The following BMP10 variants were observed in gnomAD, a reference collection of about 807,000 sequenced individuals.
The protein encoded by BMP10 is bone morphogenetic protein 10.
A neutral mutation model predicts 29.9 loss-of-function variants in BMP10; 9 were observed. The observed-to-expected ratio is 0.30, with a 90% confidence interval of 0.18 to 0.53. The LOEUF (loss-of-function observed/expected upper bound fraction) is 0.53. BMP10 is among the 20% of genes least tolerant of loss of function. The pLI, the probability that BMP10 is intolerant of heterozygous loss-of-function variation, is 0.96. For missense variants in BMP10, 474 were observed against 524.3 expected (o/e 0.90, Z 0.94); for synonymous variants, 202 against 200.2 (o/e 1.01, Z -0.07).
rs1682878746 is a variant in BMP10 at position 68,862,583 on chromosome 2, G to T, written c.*3048C>A. Among the ~76,000 whole-genome samples, 1 of 152,146 alleles carries T rather than the reference G, an allele frequency of 6.6e-6. No homozygotes were observed. Among genetic ancestry groups the T allele is most frequent in the Non-Finnish European group, 1.5e-5 (1 of 68,014 alleles). ...GTTTAGCTATATCAACTTCGGTGAT[G>T]ATAATTCTGCAATAAAAGGGGGAAA... is the stretch of plus-strand genomic sequence containing the variant. On this transcript the variant is annotated 3_prime_UTR_variant, in exon 2 of 2. Transcript: ENST00000295379.
chr2:68,863,125 A>G lies in BMP10; in HGVS notation c.*2506T>C, dbSNP rs868746382. 6.6e-6 allele frequency among the ~76,000 whole-genome samples: 1 copy of G among 152,194 alleles called. No individual in the cohort carries two copies. Among genetic ancestry groups the G allele is most frequent in the Non-Finnish European group, 1.5e-5 (1 of 68,016 alleles). Reference sequence around the variant, plus strand: ...GGTGTGCTAATGTCAGTGGGATACTAAATGTCAGCGGTGTGCCAGCACCAG... The same window carrying G: ...GGTGTGCTAATGTCAGTGGGATACTGAATGTCAGCGGTGTGCCAGCACCAG... On this transcript the variant is annotated 3_prime_UTR_variant, in exon 2 of 2. Coordinates refer to ENST00000295379, the MANE Select transcript of BMP10 (RefSeq NM_014482.3).
rs1292526572 is a variant in BMP10, at chr2:68,865,372, G to C, written c.*259C>G. 4.1e-6 allele frequency: 2 copies of C among 491,136 alleles called. No homozygotes were observed. Among genetic ancestry groups the C allele is most frequent in the African/African-American group, 1.9e-5 (1 of 52,296 alleles). 30.4% of individuals were successfully genotyped at this position (491,136 alleles called of 1,614,324 possible). A position where few individuals can be genotyped will look rare whatever the true frequency, so the allele number is the denominator to read the frequency against. The stretch of plus-strand genomic sequence containing the variant: ...ATACATACACAAGTGTGTGTCTTTT[G>C]ACACTGTATTTTGCCTAGGGGTTGT... On this transcript the variant is annotated 3_prime_UTR_variant, in exon 2 of 2. Coordinates refer to ENST00000295379, the MANE Select transcript of BMP10 (RefSeq NM_014482.3). This position sits in a 1 kb window ranked among gnomAD's most constrained non-coding sequence, Gnocchi z 4.7.
At position 68,865,812 on chromosome 2, in the gene BMP10, G is replaced by A; in HGVS notation, c.1094C>T (p.Thr365Ile). Residue 365 changes from threonine to isoleucine, a missense_variant, in exon 2 of 2, where the codon ACA becomes ATA. By Grantham distance (89) the Thr-to-Ile change is moderately conservative. Transcript: ENST00000295379. This position sits in a 1 kb window ranked among gnomAD's most constrained non-coding sequence, Gnocchi z 4.7. ...VCNYPLAEHL[T>I]PTKHAIIQAL... Reference sequence around the variant, plus strand: ...CTGGATAATTGCATGCTTTGTGGGTGTGAGATGCTCTGCCAGGGGGTAGTT... The same window carrying A: ...CTGGATAATTGCATGCTTTGTGGGTATGAGATGCTCTGCCAGGGGGTAGTT... The A allele has an allele frequency of 1.2e-6, 2 of 1,614,110 alleles. No homozygotes were observed. The highest frequency in any genetic ancestry group is 2.2e-5 in the East Asian group (1 of 44,868).
Position 68,863,762 on chromosome 2 carries a change from T to C in BMP10, c.*1869A>G, listed in dbSNP as rs1310237788. Among the ~76,000 whole-genome samples the C allele has an allele frequency of 1.3e-5, 2 of 152,176 alleles. No individual in the cohort carries two copies. Among genetic ancestry groups the C allele is most frequent in the African/African-American group, 4.8e-5 (2 of 41,442 alleles). Reference sequence around the variant, plus strand: ...TTCAAAATAGTTTTCCTTGCCTCTATTGTCTAGTGCAGTTTGAGTTTATAA... The same window carrying C: ...TTCAAAATAGTTTTCCTTGCCTCTACTGTCTAGTGCAGTTTGAGTTTATAA... On this transcript the variant is annotated 3_prime_UTR_variant, in exon 2 of 2. Transcript: ENST00000295379.
At chr2:68,867,494 C>T (rs1682986431) in intron 1 of BMP10, among the ~76,000 whole-genome samples, 1 of 152,204 alleles carries the variant, frequency 6.6e-6, no homozygotes, top group South Asian at 2.1e-4. Context: ...GTATAACTCA[C>T]TCAATAATGT....
chr2:68,864,877 G>A lies in BMP10; in HGVS notation c.*754C>T, dbSNP rs1443337030. On this transcript the variant is annotated 3_prime_UTR_variant, in exon 2 of 2. Coordinates refer to ENST00000295379, the MANE Select transcript of BMP10 (RefSeq NM_014482.3). The stretch of plus-strand genomic sequence containing the variant: ...CCCTCTACTCTCTGCAGCAGCAATG[G>A]CCAGTACTCATGGCCTTGCTTTCCT... 6.6e-6 allele frequency among the ~76,000 whole-genome samples: 1 copy of A among 152,026 alleles called. No individual in the cohort carries two copies. Among genetic ancestry groups the A allele is most frequent in the Admixed American group, 6.6e-5 (1 of 15,258 alleles).
At position 68,860,938 on chromosome 2, in the gene BMP10, T is replaced by C. The variant is rs1286789764; in HGVS notation, c.*4693A>G. Among the ~76,000 whole-genome samples, 5 of 152,148 alleles carry C rather than the reference T, an allele frequency of 3.3e-5. No individual in the cohort carries two copies. The highest frequency in any genetic ancestry group is 6.5e-5 in the Admixed American group (1 of 15,274). ...TTCTTCAGACCATTCTTTATTAATATAGCAATTAGTTTTATTCCATCGGGA... is the reference window on the plus strand; with the variant it reads ...TTCTTCAGACCATTCTTTATTAATACAGCAATTAGTTTTATTCCATCGGGA... On this transcript the variant is annotated 3_prime_UTR_variant, in exon 2 of 2. Transcript: ENST00000295379.
At position 68,865,969 on chromosome 2, in the gene BMP10, G is replaced by T; in HGVS notation, c.937C>A (p.Arg313=). 6.2e-7 allele frequency: 1 copy of T among 1,613,968 alleles called. No homozygotes were observed. Among genetic ancestry groups the T allele is most frequent in the African/African-American group, 1.3e-5 (1 of 74,990 alleles). ...RSNIIYDSTA[R]IRRNAKGNYC... ...TTTCCTTTGGCGTTCCTTCTGATTC[G>T]GGCAGTGGAGTCATAGATGATGTTT... The change falls in exon 2 of 2, where the codon CGA becomes AGA. Residue 313 remains arginine, a synonymous_variant. Coordinates refer to ENST00000295379, the MANE Select transcript of BMP10 (RefSeq NM_014482.3). The surrounding 1 kb of genome is among the most constrained non-coding windows in gnomAD (Gnocchi z 4.7).
At chr2:68,867,123 T>G (rs1431208880) in intron 1 of BMP10, among the ~76,000 whole-genome samples, 1 of 152,238 alleles carries the variant, frequency 6.6e-6, no homozygotes, top group African/African-American at 2.4e-5. Context: ...AATATGGGCC[T>G]GCTACCTGCT....
At chr2:68,870,639 T>A (rs1370184251) in intron 1 of BMP10, among the ~76,000 whole-genome samples, 3 of 152,336 alleles carry the variant, frequency 2.0e-5, no homozygotes, top group East Asian at 3.9e-4. Flanking sequence ...TAAGTAGAAG[T>A]TGAGAAATTT....
At position 68,871,338 on chromosome 2, in the gene BMP10, T is replaced by C; in HGVS notation, c.21A>G (p.Thr7=). MGSLVL[T]LCALFCLAAY... ...CTGCCAGGCAGAAAAGAGCGCACAGTGTCAGGACCAGAGAGCCCATGACTC... is the reference window on the plus strand; with the variant it reads ...CTGCCAGGCAGAAAAGAGCGCACAGCGTCAGGACCAGAGAGCCCATGACTC... Residue 7 remains threonine (T), a synonymous_variant, in exon 1 of 2, where the codon ACA becomes ACG. Coordinates refer to ENST00000295379, the MANE Select transcript of BMP10 (RefSeq NM_014482.3). 2.5e-6 allele frequency: 4 copies of C among 1,613,952 alleles called. No individual in the cohort carries two copies. In the South Asian group the frequency reaches 3.3e-5, roughly 13 times the overall value.
In BMP10 at chr2:68,862,764, ACTC is replaced by A. The variant is rs1244913049; in HGVS notation, c.*2864_*2866del. 6.6e-6 allele frequency among the ~76,000 whole-genome samples: 1 copy of A among 151,398 alleles called. No individual in the cohort carries two copies. The highest frequency in any genetic ancestry group is 2.4e-5 in the African/African-American group (1 of 41,134). On this transcript the variant is annotated 3_prime_UTR_variant, in exon 2 of 2. Coordinates refer to ENST00000295379, the MANE Select transcript of BMP10 (RefSeq NM_014482.3). ...CGGGGTTCCGGTGGGAGCTGGGAGA[ACTC>A]CTCTACGGGCTGTGTCTTTTCACTT... is the stretch of plus-strand genomic sequence containing the variant.
rs1326086607 is a variant in BMP10, at chr2:68,864,204, C to T, written c.*1427G>A. Among the ~76,000 whole-genome samples the T allele has an allele frequency of 6.6e-6, 1 of 152,178 alleles. No homozygotes were observed. Among genetic ancestry groups the T allele is most frequent in the Non-Finnish European group, 1.5e-5 (1 of 68,036 alleles). ...AAGTTACTGGGTTTCTACCATGAAA[C>T]AATCATGATTTCAAAATTCAGGCTT... On this transcript the variant is annotated 3_prime_UTR_variant, in exon 2 of 2. Coordinates refer to ENST00000295379, the MANE Select transcript of BMP10 (RefSeq NM_014482.3).
rs1360265306 is a variant in BMP10 at position 68,861,078 on chromosome 2, A to AT, written c.*4552_*4553insA. ...CCAAAATAATTTTTTTATTTTACTT[A>AT]AAAAGACTCTGAAGGTACACATTTG... On this transcript the variant is annotated 3_prime_UTR_variant, in exon 2 of 2. Coordinates refer to ENST00000295379, the MANE Select transcript of BMP10 (RefSeq NM_014482.3). Among the ~76,000 whole-genome samples, 1 of 152,248 alleles carries AT rather than the reference A, an allele frequency of 6.6e-6. No homozygotes were observed. The highest frequency in any genetic ancestry group is 2.4e-5 in the African/African-American group (1 of 41,472).
chr2:68,865,956 T>C lies in BMP10; in HGVS notation c.950A>G (p.Asn317Ser), dbSNP rs764764448. 6.2e-6 allele frequency: 10 copies of C among 1,614,038 alleles called. No homozygotes were observed. The highest frequency in any genetic ancestry group is 8.5e-6 in the Non-Finnish European group (10 of 1,179,982). Residue 317 changes from asparagine (N) to serine (S), a missense_variant, in exon 2 of 2, where the codon AAC becomes AGC. By Grantham distance (46) the Asn-to-Ser change is conservative (BLOSUM62 1). This residue lies in a region of BMP10 where 408 missense variants were observed against 415.3 expected (regional missense o/e 0.98). Transcript: ENST00000295379. This position sits in a 1 kb window ranked among gnomAD's most constrained non-coding sequence, Gnocchi z 4.7. The part of the protein sequence containing the change: ...IYDSTARIRR[N>S]AKGNYCKRTP... ...CCTCTTACAGTAGTTTCCTTTGGCG[T>C]TCCTTCTGATTCGGGCAGTGGAGTC...
At chr2:68,870,474 T>C (rs1030514529) in intron 1 of BMP10, among the ~76,000 whole-genome samples, 1 of 152,228 alleles carries the variant, frequency 6.6e-6, no homozygotes, top group African/African-American at 2.4e-5. Flanking sequence ...ACATGACACA[T>C]CAAACAACAC....
At chr2:68,867,131 G>A (rs1441725191) in intron 1 of BMP10, among the ~76,000 whole-genome samples, 1 of 152,138 alleles carries the variant, frequency 6.6e-6, no homozygotes, top group African/African-American at 2.4e-5. Flanking sequence ...CCTGCTACCT[G>A]CTTTTGGAAA....
In BMP10 at chr2:68,863,778, G is replaced by T. The variant is rs976789286; in HGVS notation, c.*1853C>A. 2.6e-5 allele frequency among the ~76,000 whole-genome samples: 4 copies of T among 152,136 alleles called. No homozygotes were observed. Among genetic ancestry groups the T allele is most frequent in the Non-Finnish European group, 4.4e-5 (3 of 68,018 alleles). ...TTGCCTCTATTGTCTAGTGCAGTTTGAGTTTATAACCTTAAGAGATTTGTA... is the reference window on the plus strand; with the variant it reads ...TTGCCTCTATTGTCTAGTGCAGTTTTAGTTTATAACCTTAAGAGATTTGTA... On this transcript the variant is annotated 3_prime_UTR_variant, in exon 2 of 2. Transcript: ENST00000295379.
At chr2:68,867,210 T>C (rs1178881076) in intron 1 of BMP10, among the ~76,000 whole-genome samples, 1 of 152,204 alleles carries the variant, frequency 6.6e-6, no homozygotes, top group Non-Finnish European at 1.5e-5. Flanking sequence ...TGCACTATAA[T>C]GGCAGAGTTA....
Sources: allele counts gnomAD v4.1 joint callset (sites outside exome capture counted in the v4.1 genomes callset), GRCh38; gene constraint gnomAD v4.1.1; regional missense constraint gnomAD v4.1.1; non-coding constraint Gnocchi (gnomAD v3.1); transcripts MANE v1.5; gene names NCBI Gene and HGNC (gene_info 2026-07-23, HGNC 2026-07-21).